PTPRT: variants seen among roughly 807,000 people sequenced by gnomAD.
PTPRT encodes the protein receptor-type tyrosine-protein phosphatase T.
A neutral mutation model predicts 176.8 loss-of-function variants in PTPRT; 56 were observed. That is an observed-to-expected ratio of 0.32 (90% confidence interval 0.26 to 0.40). PTPRT has a LOEUF of 0.40. Among genes scored for constraint, PTPRT ranks in the 10% least tolerant of loss-of-function variants. The pLI, the probability that PTPRT is intolerant of heterozygous loss-of-function variation, is 1.00. For missense variants in PTPRT, 1,540 were observed against 1,908.2 expected (o/e 0.81, Z 3.60); for synonymous variants, 783 against 739.0 (o/e 1.06, Z -0.96).
At chr20:42,431,814 T>C (rs1403007785) in intron 9 of PTPRT, among the ~76,000 whole-genome samples, 1 of 152,188 alleles carries the variant, frequency 6.6e-6, no homozygotes, top group Non-Finnish European at 1.5e-5. Context: ...ATGAAGACTC[T>C]CTAGATGACT....
At chr20:42,641,597 G>A (rs1048001548) in intron 7 of PTPRT, among the ~76,000 whole-genome samples, 2 of 152,150 alleles carry the variant, frequency 1.3e-5, no homozygotes, top group Non-Finnish European at 2.9e-5. Flanking sequence ...AACACTGTGA[G>A]TATGCTTTGC....
intron 7 of PTPRT, among the ~76,000 whole-genome samples, chr20:42,590,972 G>GTGTA (rs1295378329): frequency 1.4e-5 from 2 of 138,228 alleles, no homozygotes; most frequent in Non-Finnish European, 3.0e-5. Flanking sequence ...GTGTGTGTGT[G>GTGTA]TGTAATGGGG....
intron 3 of PTPRT, among the ~76,000 whole-genome samples, chr20:42,784,620 C>T (rs1197409193): frequency 1.3e-5 from 2 of 152,108 alleles, no homozygotes; most frequent in African/African-American, 4.8e-5. Flanking sequence ...AGTGAATTTA[C>T]TAAATCTACA....
chr20:42,272,992 C>G (rs955286369), intron 13 of PTPRT, among the ~76,000 whole-genome samples: 1 of 152,188 alleles, frequency 6.6e-6, no homozygotes, highest in Non-Finnish European at 1.5e-5. Context: ...ATCACACATT[C>G]TGAAATAGCA....
At chr20:42,524,743 T>C (rs2072238634) in intron 7 of PTPRT, among the ~76,000 whole-genome samples, 1 of 152,194 alleles carries the variant, frequency 6.6e-6, no homozygotes, top group South Asian at 2.1e-4. Context: ...ACAGAATACA[T>C]ATGTGAGACT....
intron 7 of PTPRT, among the ~76,000 whole-genome samples, chr20:42,501,176 T>C (rs569707506): frequency 6.6e-6 from 1 of 152,274 alleles, no homozygotes; most frequent in South Asian, 2.1e-4. Context: ...TATTTGCCTA[T>C]TTTTGAACTT....
intron 1 of PTPRT, among the ~76,000 whole-genome samples, chr20:42,916,736 T>A (rs1978785604): frequency 6.6e-6 from 1 of 152,178 alleles, no homozygotes; most frequent in Non-Finnish European, 1.5e-5. Context: ...CATTTTTTCA[T>A]GTTTTTTTTG....
At chr20:42,966,068 C>T (rs1380106385) in intron 1 of PTPRT, among the ~76,000 whole-genome samples, 1 of 152,068 alleles carries the variant, frequency 6.6e-6, no homozygotes, top group Non-Finnish European at 1.5e-5. Flanking sequence ...ACGGTAAGAA[C>T]CATGATGGAA....
intron 7 of PTPRT, among the ~76,000 whole-genome samples, chr20:42,479,013 C>T (rs76639344): frequency 6.6e-6 from 1 of 152,198 alleles, no homozygotes; most frequent in African/African-American, 2.4e-5. Context: ...GAATCAGGAT[C>T]TCCTTACACT....
chr20:43,106,569 A>G (rs2012611776), intron 1 of PTPRT, among the ~76,000 whole-genome samples: 1 of 148,316 alleles, frequency 6.7e-6, no homozygotes, highest in African/African-American at 2.5e-5. Context: ...AGGCAGGAGA[A>G]TTGCTGGAAC....
intron 1 of PTPRT, among the ~76,000 whole-genome samples, chr20:43,104,261 T>C (rs1292986156): frequency 6.6e-6 from 1 of 152,178 alleles, no homozygotes; most frequent in Non-Finnish European, 1.5e-5. Flanking sequence ...TCTGATGAAC[T>C]TCCTTAACTT....
chr20:42,180,663 G>T (rs1340721188), intron 16 of PTPRT, among the ~76,000 whole-genome samples: 1 of 152,130 alleles, frequency 6.6e-6, no homozygotes, highest in Non-Finnish European at 1.5e-5. Flanking sequence ...AAACCTTGTT[G>T]AATAAATGAG....
At chr20:42,691,378 G>C (rs111511755) in intron 6 of PTPRT, among the ~76,000 whole-genome samples, 2,073 of 152,320 alleles carry the variant, frequency 0.014, 48 homozygotes, top group African/African-American at 0.047. Context: ...TGTGGCTTTA[G>C]AGATATTGTT....
At chr20:42,164,073 T>C (rs757518018) in intron 16 of PTPRT, among the ~76,000 whole-genome samples, 1 of 152,208 alleles carries the variant, frequency 6.6e-6, no homozygotes, top group Non-Finnish European at 1.5e-5. Flanking sequence ...CTTGGAGTCA[T>C]GCCATACTCT....
chr20:42,201,861 C>T (rs1429113420), intron 15 of PTPRT, among the ~76,000 whole-genome samples: 2 of 151,294 alleles, frequency 1.3e-5, no homozygotes, highest in Admixed American at 6.6e-5. Context: ...AGACTTCATA[C>T]AGAATGCACT....
intron 9 of PTPRT, among the ~76,000 whole-genome samples, chr20:42,407,478 T>C (rs1217828363): frequency 6.6e-6 from 1 of 152,188 alleles, no homozygotes; most frequent in East Asian, 1.9e-4. Flanking sequence ...ACATTCCTAA[T>C]GAAAACTTTA....
At position 42,352,267 on chromosome 20, in the gene PTPRT, C is replaced by G. The variant is rs926083986; in HGVS notation, c.1579G>C (p.Gly527Arg). ...AGGTCAGCACTTGGGTCCAGCGAGC[C>G]GACAGCCTTGTAGTTGATCTGTAGG... ...TLYEINYKAV[G>R]SLDPSADLSS... Residue 527 changes from glycine (G) to arginine (R), a missense_variant, in exon 10 of 31, where the codon GGC becomes CGC. Around this residue, in one of 11 missense-constraint regions of PTPRT, gnomAD observed 136 missense variants for 135.0 expected, o/e 1.01. Coordinates refer to ENST00000373187, the MANE Select transcript of PTPRT (RefSeq NM_007050.6). 1 of 1,614,074 alleles carries G rather than the reference C, an allele frequency of 6.2e-7. No homozygotes were observed. The highest frequency in any genetic ancestry group is 1.1e-5 in the South Asian group (1 of 91,072).
At chr20:43,025,983 G>C (rs2146187114) in intron 1 of PTPRT, among the ~76,000 whole-genome samples, 1 of 152,290 alleles carries the variant, frequency 6.6e-6, no homozygotes, top group East Asian at 1.9e-4. Flanking sequence ...TCACTTGGAT[G>C]TTTAGGTCTT....
At position 42,833,447 on chromosome 20, in the gene PTPRT, C is replaced by T. The variant is rs191220178; in HGVS notation, c.215-41981G>A. 2.6e-5 allele frequency among the ~76,000 whole-genome samples: 4 copies of T among 151,764 alleles called. No individual in the cohort carries two copies. In the East Asian group the frequency reaches 7.7e-4, roughly 29 times the overall value. On this transcript the variant is annotated intron_variant, in intron 2 of 30. Transcript: ENST00000373187. ...AATAAATAAAATAAATAAAGTGGGG[C>T]ATGTGCCTATAGTCTCAGCTACTCA...
Sources: gnomAD v4.1 joint callset for allele counts (sites outside exome capture counted in the v4.1 genomes callset) on GRCh38, gnomAD v4.1.1 for gene constraint, gnomAD v4.1.1 regional missense constraint, MANE v1.5 for transcripts, NCBI Gene and HGNC (gene_info 2026-07-23, HGNC 2026-07-21) for gene names.